HSD17B12: variants seen among roughly 807,000 people sequenced by gnomAD.
HSD17B12 encodes the protein hydroxysteroid 17-beta dehydrogenase 12, also known as very-long-chain 3-oxoacyl-CoA reductase.
A neutral mutation model predicts 39.3 loss-of-function variants in HSD17B12; 32 were observed. The observed-to-expected ratio is 0.81, with a 90% CI of 0.61 to 1.09. The LOEUF is 1.09. Ranked by LOEUF, HSD17B12 falls within the 50% of genes least tolerant of loss-of-function variation. The pLI is 0.00. For synonymous variants in HSD17B12, 150 were observed against 146.7 expected, an observed-to-expected ratio of 1.02 and a Z score of -0.16; for missense variants, 342 against 382.9, an observed-to-expected ratio of 0.89 and a Z score of 0.89.
chr11:43,770,391 A>G (rs1430171288), intron 3 of HSD17B12, among the ~76,000 whole-genome samples: 1 of 152,170 alleles, frequency 6.6e-6, no homozygotes, highest in Non-Finnish European at 1.5e-5. Flanking sequence ...TGCTTTTATT[A>G]GGACCTCTTC....
intron 1 of HSD17B12, among the ~76,000 whole-genome samples, chr11:43,730,955 C>T (rs1950261644): frequency 6.6e-6 from 1 of 151,952 alleles, no homozygotes; most frequent in Non-Finnish European, 1.5e-5. Flanking sequence ...TCCAGGGTCT[C>T]TGTTTTTGGA....
the HSD17B12 span, among the ~76,000 whole-genome samples, chr11:43,657,984 A>C: frequency 6.6e-6 from 1 of 152,210 alleles, no homozygotes; most frequent in African/African-American, 2.4e-5. Context: ...AATATCCTGC[A>C]GAGTGTTTTC....
At chr11:43,781,118 T>C (rs1214005191) in intron 3 of HSD17B12, among the ~76,000 whole-genome samples, 3 of 152,204 alleles carry the variant, frequency 2.0e-5, no homozygotes, top group Admixed American at 6.5e-5. Flanking sequence ...CATAAGGTCT[T>C]GGTGACCTAT....
intron 3 of HSD17B12, among the ~76,000 whole-genome samples, chr11:43,779,592 G>A (rs894425556): frequency 1.3e-5 from 2 of 152,174 alleles, no homozygotes; most frequent in Non-Finnish European, 2.9e-5. Context: ...AGGTGTGACT[G>A]AATTCACATC....
the HSD17B12 span, among the ~76,000 whole-genome samples, chr11:43,564,765 A>C: frequency 1.3e-5 from 2 of 152,210 alleles, no homozygotes; most frequent in East Asian, 3.8e-4. Context: ...TGGAACCCAT[A>C]TATTTGCTAA....
the HSD17B12 span, among the ~76,000 whole-genome samples, chr11:43,571,106 G>A: frequency 6.6e-6 from 1 of 152,116 alleles, no homozygotes; most frequent in East Asian, 1.9e-4. Context: ...GCAGCTAATT[G>A]CAAGGCTGCT....
At chr11:43,725,422 T>C (rs1950212447) in intron 1 of HSD17B12, among the ~76,000 whole-genome samples, 1 of 152,228 alleles carries the variant, frequency 6.6e-6, no homozygotes, top group South Asian at 2.1e-4. Flanking sequence ...ATGATGGGGA[T>C]AACAACAAAT....
chr11:43,631,352 T>C, the HSD17B12 span, among the ~76,000 whole-genome samples: 1 of 152,276 alleles, frequency 6.6e-6, no homozygotes, highest in East Asian at 1.9e-4. Flanking sequence ...TAAAGGATCT[T>C]CCAAACATTT....
chr11:43,598,274 C>A, the HSD17B12 span, among the ~76,000 whole-genome samples: 1 of 152,204 alleles, frequency 6.6e-6, no homozygotes, highest in Non-Finnish European at 1.5e-5. Flanking sequence ...GTGAATCCTG[C>A]ACCCGTTAAG....
chr11:43,782,899 G>A (rs1456587209), intron 3 of HSD17B12, among the ~76,000 whole-genome samples: 1 of 152,036 alleles, frequency 6.6e-6, no homozygotes, highest in Non-Finnish European at 1.5e-5. Flanking sequence ...ATCAGTACTG[G>A]GACAAATCAA....
At chr11:43,606,230 G>A in the HSD17B12 span, among the ~76,000 whole-genome samples, 4 of 152,146 alleles carry the variant, frequency 2.6e-5, no homozygotes, top group African/African-American at 4.8e-5. Flanking sequence ...TACTCATATC[G>A]TTACAATCCA....
the HSD17B12 span, among the ~76,000 whole-genome samples, chr11:43,568,155 A>G: frequency 1.3e-5 from 2 of 152,002 alleles, no homozygotes; most frequent in Admixed American, 6.6e-5. Flanking sequence ...CGGAGTGTGC[A>G]GTGGTGTGAT....
chr11:43,741,030 A>G (rs1380822251), intron 1 of HSD17B12, among the ~76,000 whole-genome samples: 1 of 152,184 alleles, frequency 6.6e-6, no homozygotes, highest in Admixed American at 6.5e-5. Context: ...AGAAACCACA[A>G]AAAACAAGCA....
chr11:43,684,813 A>C (rs1949782970), intron 1 of HSD17B12, among the ~76,000 whole-genome samples: 2 of 152,180 alleles, frequency 1.3e-5, no homozygotes. Context: ...GAACATTTTC[A>C]TCTTCCTTAA....
chr11:43,686,779 G>A (rs1949804388), intron 1 of HSD17B12, among the ~76,000 whole-genome samples: 1 of 152,072 alleles, frequency 6.6e-6, no homozygotes, highest in Non-Finnish European at 1.5e-5. Context: ...GTACATAAGT[G>A]CTTGATAACT....
chr11:43,645,098 A>C, the HSD17B12 span: 1 of 152,158 alleles, frequency 6.6e-6, no homozygotes, highest in African/African-American at 2.4e-5. Flanking sequence ...CTTGGCTCAG[A>C]GTTTCTCTGC....
At chr11:43,614,640 C>T in the HSD17B12 span, among the ~76,000 whole-genome samples, 1 of 152,112 alleles carries the variant, frequency 6.6e-6, no homozygotes, top group Non-Finnish European at 1.5e-5. Context: ...CACAATTTCT[C>T]TTTCTCTCCT....
At chr11:43,823,421 C>A (rs554654354) in intron 6 of HSD17B12, among the ~76,000 whole-genome samples, 2 of 151,962 alleles carry the variant, frequency 1.3e-5, no homozygotes, top group Non-Finnish European at 2.9e-5. Flanking sequence ...CAGGCATGCA[C>A]CACCATGCCT....
intron 1 of HSD17B12, among the ~76,000 whole-genome samples, chr11:43,691,667 A>G (rs1441476515): frequency 2.6e-5 from 4 of 152,228 alleles, no homozygotes; most frequent in Admixed American, 2.6e-4. Context: ...CATACAGGTC[A>G]GAAGTTTCAT....
Sources: gnomAD v4.1 joint callset for allele counts (sites outside exome capture counted in the v4.1 genomes callset) on GRCh38, gnomAD v4.1.1 for gene constraint, MANE v1.5 for transcripts, NCBI Gene and HGNC (gene_info 2026-07-23, HGNC 2026-07-21) for gene names.